TECPR2: variants seen among roughly 807,000 people sequenced by gnomAD.
TECPR2 encodes tectonin beta-propeller repeat-containing protein 2.
Under a neutral mutation model 138.1 loss-of-function variants are expected in TECPR2, and 65 were observed. That is an observed-to-expected ratio of 0.47 (90% confidence interval 0.39 to 0.58). The LOEUF is 0.58. Ranked by LOEUF, TECPR2 falls within the 20% of genes least tolerant of loss-of-function variation. The probability of loss-of-function intolerance (pLI) is 0.00; values close to 1 mark genes in which losing one functional copy is unlikely to be tolerated. For synonymous variants in TECPR2, 746 were observed against 749.8 expected (o/e 0.99, Z 0.08); for missense variants, 1,553 against 1,824.5 (o/e 0.85, Z 2.71).
In TECPR2 at chr14:102,501,291, G is replaced by A. The variant is rs561463708; in HGVS notation, c.*3034G>A. 2.6e-5 allele frequency: 4 copies of A among 152,352 alleles called. No homozygotes were observed. Among genetic ancestry groups the A allele is most frequent in the African/African-American group, 7.2e-5 (3 of 41,584 alleles). 9.4% of individuals were successfully genotyped at this position (152,352 alleles called of 1,614,324 possible). ...AGAATCTAAAACCAGTGGGAAAACTGTCTGATTTCTGGATGGCAAAGGCTT... is the reference window on the plus strand; with the variant it reads ...AGAATCTAAAACCAGTGGGAAAACTATCTGATTTCTGGATGGCAAAGGCTT... On this transcript the variant is annotated 3_prime_UTR_variant, in exon 20 of 20. Transcript: ENST00000359520.
intron 2 of TECPR2, among the ~76,000 whole-genome samples, chr14:102,404,982 G>T (rs1480919809): frequency 6.6e-6 from 1 of 152,002 alleles, no homozygotes; most frequent in Admixed American, 6.6e-5. Flanking sequence ...AAAGAATGAA[G>T]TTGGACCCTT....
chr14:102,428,449 G>A (rs773579006), intron 7 of TECPR2, 67 bp downstream of exon 7: 7 of 1,588,572 alleles, frequency 4.4e-6, no homozygotes, highest in Non-Finnish European at 6.0e-6. Context: ...GTTTGTAATT[G>A]CAGTTAATAA....
chr14:102,408,492 G>C lies in TECPR2; in HGVS notation c.353G>C (p.Arg118Pro). 1 of 1,597,118 alleles carries C rather than the reference G, an allele frequency of 6.3e-7. No homozygotes were observed. Among genetic ancestry groups the C allele is most frequent in the Non-Finnish European group, 8.5e-7 (1 of 1,175,208 alleles). The change falls in exon 4 of 20, where the codon CGG becomes CCG. Residue 118 changes from arginine (R) to proline (P), a missense_variant. By Grantham distance (103) the Arg-to-Pro change is moderately radical. Transcript: ENST00000359520. ...SSLPGRNKQL[R>P]RFDVTGIHKN... ...ATTTTTATCCCTTGTTCATAGCTTCGGAGATTTGATGTCACTGGTATTCAC... is the reference window on the plus strand; with the variant it reads ...ATTTTTATCCCTTGTTCATAGCTTCCGAGATTTGATGTCACTGGTATTCAC...
chr14:102,423,413 G>A (rs1223288628), intron 5 of TECPR2, among the ~76,000 whole-genome samples: 2 of 150,274 alleles, frequency 1.3e-5, no homozygotes, highest in Non-Finnish European at 2.9e-5. Flanking sequence ...CTGCATCCTG[G>A]ACAACAAGAG....
chr14:102,456,649 G>A (rs1890283568), intron 16 of TECPR2, among the ~76,000 whole-genome samples: 1 of 150,918 alleles, frequency 6.6e-6, no homozygotes, highest in African/African-American at 2.4e-5. Context: ...GAGTGCAGTG[G>A]CGCAATCTCG....
At chr14:102,447,064 A>G (rs1452217618) in intron 13 of TECPR2, among the ~76,000 whole-genome samples, 1 of 152,232 alleles carries the variant, frequency 6.6e-6, no homozygotes, top group African/African-American at 2.4e-5. Flanking sequence ...AGAAAAGGAA[A>G]CACTATAAGA....
chr14:102,496,117 G>A (rs1408691768), intron 17 of TECPR2, among the ~76,000 whole-genome samples: 4 of 152,246 alleles, frequency 2.6e-5, no homozygotes, highest in Non-Finnish European at 5.9e-5. Flanking sequence ...TGGCCCACTC[G>A]GTCCCATGGA....
At chr14:102,382,837 C>A (rs1887875587) in intron 2 of TECPR2, among the ~76,000 whole-genome samples, 1 of 152,060 alleles carries the variant, frequency 6.6e-6, no homozygotes, top group East Asian at 1.9e-4. Context: ...CGGCTCACTG[C>A]AACCTCCGTC....
intron 13 of TECPR2, among the ~76,000 whole-genome samples, chr14:102,446,410 G>C (rs1405777189): frequency 1.3e-5 from 2 of 152,062 alleles, no homozygotes; most frequent in East Asian, 3.9e-4. Flanking sequence ...GCCAGCCTGG[G>C]CAACATGGTG....
intron 17 of TECPR2, among the ~76,000 whole-genome samples, chr14:102,475,688 A>G (rs1450210329): frequency 6.6e-6 from 1 of 152,144 alleles, no homozygotes; most frequent in Admixed American, 6.5e-5. Flanking sequence ...ATCCAACATC[A>G]GCAAGATAAA....
chr14:102,384,336 T>C (rs1415554316), intron 2 of TECPR2, among the ~76,000 whole-genome samples: 2 of 152,162 alleles, frequency 1.3e-5, no homozygotes, highest in Admixed American at 1.3e-4. Context: ...GACCTCATGC[T>C]GCTTCCACTC....
chr14:102,479,877 G>T (rs1402063894), intron 17 of TECPR2, among the ~76,000 whole-genome samples: 1 of 152,238 alleles, frequency 6.6e-6, no homozygotes, highest in Non-Finnish European at 1.5e-5. Flanking sequence ...TGGGCAGATG[G>T]CATGTGGCCA....
chr14:102,485,872 A>G (rs972714813), intron 17 of TECPR2, among the ~76,000 whole-genome samples: 4 of 152,324 alleles, frequency 2.6e-5, no homozygotes, highest in Admixed American at 2.6e-4. Flanking sequence ...CACTGGGTCC[A>G]GCTTCTGCTC....
chr14:102,443,489 TTTAA>T lies in TECPR2; in HGVS notation c.2753-141_2753-138del, dbSNP rs929315449. Among the ~76,000 whole-genome samples, 2 of 151,904 alleles carry T rather than the reference TTTAA, an allele frequency of 1.3e-5. No homozygotes were observed. Among genetic ancestry groups the T allele is most frequent in the African/African-American group, 4.8e-5 (2 of 41,322 alleles). On this transcript the variant is annotated intron_variant, in intron 11 of 19. Coordinates refer to ENST00000359520, the MANE Select transcript of TECPR2 (RefSeq NM_014844.5). The surrounding 1 kb of genome is among the most constrained non-coding windows in gnomAD (Gnocchi z 4.9). ...AACGTAGAAAGGCCCCGTCTATATT[TTTAA>T]TTAATTAATTAATTAAAGTTTTTTT...
Position 102,408,481 on chromosome 14 carries a change from T to C in TECPR2, c.349-7T>C. Reference sequence around the variant, plus strand: ...TTCTTGTGTATATTTTTATCCCTTGTTCATAGCTTCGGAGATTTGATGTCA... The same window carrying C: ...TTCTTGTGTATATTTTTATCCCTTGCTCATAGCTTCGGAGATTTGATGTCA... On this transcript the variant is annotated splice_region_variant and splice_polypyrimidine_tract_variant and intron_variant, in intron 3 of 19. Transcript: ENST00000359520. 4.4e-6 allele frequency: 7 copies of C among 1,597,758 alleles called. No homozygotes were observed. Among genetic ancestry groups the C allele is most frequent in the Non-Finnish European group, 6.0e-6 (7 of 1,175,910 alleles).
intron 2 of TECPR2, among the ~76,000 whole-genome samples, chr14:102,383,019 A>C (rs1455065757): frequency 6.6e-6 from 1 of 152,180 alleles, no homozygotes; most frequent in Non-Finnish European, 1.5e-5. Flanking sequence ...CGGCCTCCCA[A>C]AGTGCTGGGA....
chr14:102,493,101 C>T (rs538382654), intron 17 of TECPR2, among the ~76,000 whole-genome samples: 21 of 152,354 alleles, frequency 1.4e-4, no homozygotes, highest in Non-Finnish European at 2.2e-4. Context: ...CCTTGCTGTT[C>T]TTGCCCTTCT....
rs754669754 is a variant in TECPR2, at chr14:102,497,708, C to T, written c.4070C>T (p.Ser1357Leu). ...TGGAAGAAAATTCCCGGCAGCGTGT[C>T]GTGTTTCACAGGCAGGTGCCCGGGG... ...DYWKKIPGSV[S>L]CFTVTASDEL... is the part of the protein sequence containing the mutation. The change falls in exon 19 of 20, where the codon TCG (serine) becomes TTG (leucine). Residue 1357 changes from serine (S) to leucine (L), a missense_variant. Ser to Leu is a moderately radical substitution (Grantham distance 145). Coordinates refer to ENST00000359520, the MANE Select transcript of TECPR2 (RefSeq NM_014844.5). The T allele has an allele frequency of 3.1e-6, 5 of 1,605,280 alleles. No homozygotes were observed. Among genetic ancestry groups the T allele is most frequent in the East Asian group, 2.2e-5 (1 of 44,692 alleles).
intron 17 of TECPR2, among the ~76,000 whole-genome samples, chr14:102,476,787 G>T (rs1890775585): frequency 1.3e-5 from 2 of 152,228 alleles, no homozygotes; most frequent in African/African-American, 4.8e-5. Context: ...AGGTACAGTG[G>T]CTCATGCCTG....
Sources: gnomAD v4.1 joint callset for allele counts (sites outside exome capture counted in the v4.1 genomes callset) on GRCh38, gnomAD v4.1.1 for gene constraint, Gnocchi (gnomAD v3.1) non-coding constraint, MANE v1.5 for transcripts, NCBI Gene and HGNC (gene_info 2026-07-23, HGNC 2026-07-21) for gene names.